Variants in PTPRG observed in about 807,000 individuals in gnomAD.
The protein encoded by PTPRG is protein tyrosine phosphatase receptor type G.
In PTPRG, 102 loss-of-function variants were observed where a neutral mutation model predicts 165.3. That is an observed-to-expected ratio of 0.62 (90% CI 0.53 to 0.73). The LOEUF is 0.73. PTPRG is among the 30% of genes least tolerant of loss of function. The pLI, the probability that PTPRG is intolerant of heterozygous loss-of-function variation, is 0.00. For synonymous variants in PTPRG, 675 were observed against 669.5 expected, an observed-to-expected ratio of 1.01 and a Z score of -0.13; for missense variants, 1,866 against 1,861.4, an observed-to-expected ratio of 1.00 and a Z score of -0.05.
chr3:61,963,604 C>T (rs770621956), intron 2 of PTPRG, among the ~76,000 whole-genome samples: 1 of 152,112 alleles, frequency 6.6e-6, no homozygotes, highest in Non-Finnish European at 1.5e-5. Context: ...AATTTAAAGA[C>T]AGTATTTTAT....
intron 1 of PTPRG, among the ~76,000 whole-genome samples, chr3:61,738,318 A>ATATGTATATATATATATATG (rs2032833171): frequency 1.0e-5 from 1 of 97,002 alleles, no homozygotes; most frequent in African/African-American, 3.6e-5. Context: ...ATATACATAT[A>ATATGTATATATATATATATG]TATATATATA....
chr3:62,045,654 C>T (rs1700265610), intron 4 of PTPRG, among the ~76,000 whole-genome samples: 1 of 149,408 alleles, frequency 6.7e-6, no homozygotes, highest in South Asian at 2.2e-4. Context: ...GTTTAATATA[C>T]ATAGAATGGT....
At chr3:61,921,864 C>CTT (rs2039085913) in intron 2 of PTPRG, among the ~76,000 whole-genome samples, 1 of 152,092 alleles carries the variant, frequency 6.6e-6, no homozygotes, top group Non-Finnish European at 1.5e-5. Context: ...AAGCAAAAAG[C>CTT]AGAGTTTATG....
intron 1 of PTPRG, among the ~76,000 whole-genome samples, chr3:61,638,322 G>A (rs183307184): frequency 5.6e-4 from 85 of 151,746 alleles, no homozygotes; most frequent in South Asian, 2.1e-4. Flanking sequence ...CCTTGCTGTA[G>A]AGCAGCATCT....
chr3:61,746,285 C>G (rs2033203424), intron 1 of PTPRG, among the ~76,000 whole-genome samples: 1 of 145,808 alleles, frequency 6.9e-6, no homozygotes. Context: ...GTGGCGCCAT[C>G]TCGGCTCACT....
At chr3:62,105,327 C>G (rs752192957) in intron 5 of PTPRG, among the ~76,000 whole-genome samples, 4 of 152,154 alleles carry the variant, frequency 2.6e-5, no homozygotes, top group Non-Finnish European at 4.4e-5. Context: ...GAGTTAATTA[C>G]TGCCATAGTT....
intron 1 of PTPRG, among the ~76,000 whole-genome samples, chr3:61,646,401 C>T (rs781337744): frequency 1.1e-4 from 16 of 152,316 alleles, no homozygotes; most frequent in Admixed American, 4.6e-4. Flanking sequence ...CATGAGCCAC[C>T]GCTCCTGGCC....
At chr3:61,671,024 A>T (rs1342514132) in intron 1 of PTPRG, among the ~76,000 whole-genome samples, 1 of 151,562 alleles carries the variant, frequency 6.6e-6, no homozygotes, top group Admixed American at 6.6e-5. Flanking sequence ...GGTAGTGCCC[A>T]TTTCCAAGCT....
At chr3:62,169,975 A>G (rs912427303) in intron 8 of PTPRG, among the ~76,000 whole-genome samples, 19 of 152,174 alleles carry the variant, frequency 1.2e-4, no homozygotes, top group African/African-American at 4.3e-4. Context: ...CATGTTTCTG[A>G]AAAGGAGCTA....
intron 2 of PTPRG, among the ~76,000 whole-genome samples, chr3:61,824,071 C>G (rs1262825904): frequency 6.6e-6 from 1 of 152,044 alleles, no homozygotes; most frequent in Non-Finnish European, 1.5e-5. Flanking sequence ...TTGCAGTGAG[C>G]CAAGATCGCT....
At chr3:61,946,942 T>C (rs960843339) in intron 2 of PTPRG, among the ~76,000 whole-genome samples, 11 of 152,216 alleles carry the variant, frequency 7.2e-5, no homozygotes, top group Non-Finnish European at 1.6e-4. Context: ...AAATGACAGC[T>C]CTTATTAAAA....
rs585132 is a variant in PTPRG at position 61,871,163 on chromosome 3, G to A, written c.191-118462G>A. ...GTGTTGTGTTGTGTTGTGTTGTGTT[G>A]TGTTATGTTATGTTATGTTATGTTA... On this transcript the variant is annotated intron_variant, in intron 2 of 29. Transcript: ENST00000474889. Among the ~76,000 whole-genome samples the A allele has an allele frequency of 6.6e-3, 764 of 116,578 alleles. 10 individuals carry two copies. The highest frequency in any genetic ancestry group is 0.016 in the Middle Eastern group (4 of 248). 76.5% of individuals were successfully genotyped at this position (116,578 alleles called of 152,430 possible).
chr3:61,871,303 C>T (rs992987403), intron 2 of PTPRG, among the ~76,000 whole-genome samples: 4 of 151,998 alleles, frequency 2.6e-5, no homozygotes, highest in African/African-American at 9.7e-5. Flanking sequence ...TCACAACTCA[C>T]TGCAGCCTCA....
At chr3:62,050,343 A>G (rs532677803) in intron 4 of PTPRG, among the ~76,000 whole-genome samples, 2 of 152,354 alleles carry the variant, frequency 1.3e-5, no homozygotes, top group South Asian at 4.1e-4. Flanking sequence ...AGTATTCAAT[A>G]CAGTCATATA....
chr3:61,969,972 G>C (rs2040348370), intron 2 of PTPRG, among the ~76,000 whole-genome samples: 1 of 152,204 alleles, frequency 6.6e-6, no homozygotes, highest in African/African-American at 2.4e-5. Context: ...GTTTCAAAAA[G>C]ATTTTGAGAT....
chr3:62,202,264 A>G (rs1700111439), intron 11 of PTPRG, among the ~76,000 whole-genome samples: 2 of 152,028 alleles, frequency 1.3e-5, no homozygotes. Context: ...CTTGAGCCCC[A>G]GTTTAGTATG....
At chr3:61,678,165 G>A (rs1226749248) in intron 1 of PTPRG, among the ~76,000 whole-genome samples, 2 of 152,148 alleles carry the variant, frequency 1.3e-5, no homozygotes, top group Non-Finnish European at 2.9e-5. Context: ...AAAGGCATGC[G>A]TGTGGCTGCC....
chr3:61,608,284 G>A (rs531554262), intron 1 of PTPRG, among the ~76,000 whole-genome samples: 2 of 152,338 alleles, frequency 1.3e-5, no homozygotes, highest in East Asian at 3.9e-4. Context: ...TGAGCCACTA[G>A]GGAGAAGCCC....
At chr3:61,732,779 C>T (rs1321151644) in intron 1 of PTPRG, among the ~76,000 whole-genome samples, 3 of 151,958 alleles carry the variant, frequency 2.0e-5, no homozygotes, top group African/African-American at 4.8e-5. Context: ...TAGCTAGGGG[C>T]GACAGTGTCG....
Sources: allele counts gnomAD v4.1 joint callset (sites outside exome capture counted in the v4.1 genomes callset), GRCh38; gene constraint gnomAD v4.1.1; transcripts MANE v1.5; gene names NCBI Gene and HGNC (gene_info 2026-07-23, HGNC 2026-07-21).